JADE1: variants seen among roughly 807,000 people sequenced by gnomAD.
JADE1 encodes the protein protein Jade-1.
Under a neutral mutation model 81.8 loss-of-function variants are expected in JADE1, and 14 were observed. The observed-to-expected ratio is 0.17, with a 90% CI of 0.11 to 0.27. The LOEUF (loss-of-function observed/expected upper bound fraction) is 0.27. JADE1 is among the 10% of genes least tolerant of loss of function. The probability of loss-of-function intolerance (pLI) is 1.00; values close to 1 mark genes in which losing one functional copy is unlikely to be tolerated. For synonymous variants in JADE1, 353 were observed against 391.9 expected, an observed-to-expected ratio of 0.90 and a Z score of 1.17; for missense variants, 690 against 1,047.9, an observed-to-expected ratio of 0.66 and a Z score of 4.71.
At position 128,871,241 on chromosome 4, in the gene JADE1, GTGT is replaced by G. The variant is rs1488388320; in HGVS notation, c.1622-108_1622-106del. 4.0e-6 allele frequency: 4 copies of G among 1,000,822 alleles called. 1 individual carries two copies. Among genetic ancestry groups the G allele is most frequent in the Non-Finnish European group, 5.9e-6 (4 of 675,198 alleles). The allele number at this position is 1,000,822 out of a possible 1,614,324, so 62.0% of individuals were successfully genotyped here. On this transcript the variant is annotated intron_variant, in intron 10 of 10. Coordinates refer to ENST00000226319, the MANE Select transcript of JADE1 (RefSeq NM_199320.4). The surrounding 1 kb of genome is among the most constrained non-coding windows in gnomAD (Gnocchi z 4.1). Reference sequence around the variant, plus strand: ...GTACAAACTTGGTGGTGTAAGTGTTGTGTTGTTGGGTGGGGAGTTCACATCAAT... The same window carrying G: ...GTACAAACTTGGTGGTGTAAGTGTTGTGTTGGGTGGGGAGTTCACATCAAT...
chr4:128,871,423 C>T lies in JADE1; in HGVS notation c.1690C>T (p.Pro564Ser). ...MLLFNSPSVG[P>S]DAPKIEDLKW... ...TTTGTTTAACAGTCCTTCTGTTGGC[C>T]CTGATGCTCCCAAGATAGAGGACTT... Residue 564 changes from proline (P) to serine (S), a missense_variant, in exon 11 of 11, where the codon CCT becomes TCT. Around this residue, in one of 8 missense-constraint regions of JADE1, gnomAD observed 86 missense variants for 95.4 expected, o/e 0.90. Coordinates refer to ENST00000226319, the MANE Select transcript of JADE1 (RefSeq NM_199320.4). This position sits in a 1 kb window ranked among gnomAD's most constrained non-coding sequence, Gnocchi z 4.1. 2 of 1,614,196 alleles carry T rather than the reference C, an allele frequency of 1.2e-6. No individual in the cohort carries two copies. Among genetic ancestry groups the T allele is most frequent in the Non-Finnish European group, 1.7e-6 (2 of 1,180,016 alleles).
chr4:128,834,722 G>T (rs1325063326), intron 2 of JADE1, among the ~76,000 whole-genome samples: 4 of 151,774 alleles, frequency 2.6e-5, no homozygotes, highest in Admixed American at 2.6e-4. Context: ...TTTTAGTAGA[G>T]ACAGGGTTTC....
At chr4:128,857,021 A>G (rs1730853031) in intron 7 of JADE1, among the ~76,000 whole-genome samples, 1 of 152,202 alleles carries the variant, frequency 6.6e-6, no homozygotes, top group South Asian at 2.1e-4. Context: ...CCAATTTGTT[A>G]TGAGCTAGAG....
chr4:128,836,307 TA>T (rs1324715807), intron 2 of JADE1, among the ~76,000 whole-genome samples: 2 of 152,130 alleles, frequency 1.3e-5, no homozygotes, highest in African/African-American at 4.8e-5. Context: ...TAAATCAACA[TA>T]TTTTATATGT....
At position 128,874,206 on chromosome 4, in the gene JADE1, CAGG is replaced by C. The variant is rs1372280538; in HGVS notation, c.*1947_*1949del. 1 of 152,476 alleles carries C rather than the reference CAGG, an allele frequency of 6.6e-6. No individual in the cohort carries two copies. The highest frequency in any genetic ancestry group is 1.9e-4 in the East Asian group (1 of 5,186). 9.4% of individuals were successfully genotyped at this position (152,476 alleles called of 1,614,324 possible). A position where few individuals can be genotyped will look rare whatever the true frequency, so the allele number is the denominator to read the frequency against. On this transcript the variant is annotated 3_prime_UTR_variant, in exon 11 of 11. Coordinates refer to ENST00000226319, the MANE Select transcript of JADE1 (RefSeq NM_199320.4). Reference sequence around the variant, plus strand: ...ATGAGCAAAAACCTTTTGCTGGATACAGGAGAAGGTTGGACTTTATCTACAGTT... The same window carrying C: ...ATGAGCAAAAACCTTTTGCTGGATACAGAAGGTTGGACTTTATCTACAGTT...
In JADE1 at chr4:128,874,829, T is replaced by C. The variant is rs1474820406; in HGVS notation, c.*2567T>C. Reference sequence around the variant, plus strand: ...TCAAAATGTAGGCTAGTTAAACTTTTGTAAAGTTGCCTGGAATGTCATTTG... The same window carrying C: ...TCAAAATGTAGGCTAGTTAAACTTTCGTAAAGTTGCCTGGAATGTCATTTG... On this transcript the variant is annotated 3_prime_UTR_variant, in exon 11 of 11. Coordinates refer to ENST00000226319, the MANE Select transcript of JADE1 (RefSeq NM_199320.4). The C allele has an allele frequency of 6.6e-6, 1 of 152,666 alleles. No individual in the cohort carries two copies. Among genetic ancestry groups the C allele is most frequent in the Admixed American group, 6.5e-5 (1 of 15,290 alleles). 9.5% of individuals were successfully genotyped at this position (152,666 alleles called of 1,614,324 possible). A position where few individuals can be genotyped will look rare whatever the true frequency, so the allele number is the denominator to read the frequency against.
intron 9 of JADE1, among the ~76,000 whole-genome samples, chr4:128,865,756 T>C (rs989449834): frequency 3.3e-5 from 5 of 152,262 alleles, no homozygotes; most frequent in Non-Finnish European, 7.3e-5. Context: ...GGGATTTTTC[T>C]ATTTAGCAGC....
chr4:128,831,176 G>A (rs1239901545), intron 1 of JADE1, among the ~76,000 whole-genome samples: 1 of 152,166 alleles, frequency 6.6e-6, no homozygotes, highest in Non-Finnish European at 1.5e-5. Context: ...TCCCTCTGTG[G>A]GGTTAGAGAT....
intron 10 of JADE1, among the ~76,000 whole-genome samples, chr4:128,870,892 A>G (rs1286936019): frequency 6.6e-6 from 1 of 152,206 alleles, no homozygotes; most frequent in Non-Finnish European, 1.5e-5. Flanking sequence ...GGGTACAGAC[A>G]CATAGAGAAA....
At chr4:128,823,607 C>G (rs984146307) in intron 1 of JADE1, among the ~76,000 whole-genome samples, 1 of 152,020 alleles carries the variant, frequency 6.6e-6, no homozygotes, top group African/African-American at 2.4e-5. Context: ...CCAGCATTTT[C>G]CTTAAATAAG....
chr4:128,831,820 G>A lies in JADE1; in HGVS notation c.52+10G>A, dbSNP rs764547699. On this transcript the variant is annotated intron_variant, in intron 2 of 10. Coordinates refer to ENST00000226319, the MANE Select transcript of JADE1 (RefSeq NM_199320.4). ...TCTGACGACAATGGCAGTAAGTCCT[G>A]CTTTGTTGTTCTTGGAGCCTACCAG... 6.2e-7 allele frequency: 1 copy of A among 1,612,868 alleles called. No homozygotes were observed. The highest frequency in any genetic ancestry group is 8.5e-7 in the Non-Finnish European group (1 of 1,178,970).
At chr4:128,868,171 G>A (rs899975146) in intron 10 of JADE1, among the ~76,000 whole-genome samples, 198 bp downstream of exon 10, 2 of 152,166 alleles carry the variant, frequency 1.3e-5, no homozygotes, top group African/African-American at 4.8e-5. Flanking sequence ...TATAAATATG[G>A]GTGGAATCCT....
intron 6 of JADE1, 150 bp from the exon 7 acceptor site, chr4:128,855,480 A>G (rs1730714728): frequency 1.3e-6 from 1 of 768,312 alleles, no homozygotes; most frequent in Non-Finnish European, 2.0e-6. Context: ...CCGAGGGGAG[A>G]CGGTCGTAGC....
At position 128,855,771 on chromosome 4, in the gene JADE1, G is replaced by A. The variant is rs758068684; in HGVS notation, c.838G>A (p.Val280Ile). ...PTRSGTKWVH[V>I]SCALWIPEVS... ...CCGTAGCGGAACCAAGTGGGTCCAC[G>A]TTAGCTGTGCTCTGTGGATCCCTGA... The change falls in exon 7 of 11, where the codon GTT becomes ATT. Residue 280 changes from valine (V) to isoleucine (I), a missense_variant. Coordinates refer to ENST00000226319, the MANE Select transcript of JADE1 (RefSeq NM_199320.4). The A allele has an allele frequency of 6.2e-6, 10 of 1,613,236 alleles. No homozygotes were observed. The highest frequency in any genetic ancestry group is 7.6e-6 in the Non-Finnish European group (9 of 1,179,496).
chr4:128,862,117 C>T lies in JADE1; in HGVS notation c.1395C>T (p.Pro465=), dbSNP rs1031171232. The T allele has an allele frequency of 1.2e-6, 2 of 1,614,120 alleles. No individual in the cohort carries two copies. The change falls in exon 9 of 11, where the codon CCC becomes CCT. Residue 465 remains proline, a synonymous_variant. Coordinates refer to ENST00000226319, the MANE Select transcript of JADE1 (RefSeq NM_199320.4). ...KLKRKVNFNK[P]LITPKKDEED... The stretch of plus-strand genomic sequence containing the variant: ...AGAGGAAGGTCAACTTCAACAAGCC[C>T]CTGATCACCCCAAAGAAAGATGAAG...
chr4:128,818,416 C>T (rs761066304), intron 1 of JADE1, among the ~76,000 whole-genome samples: 4 of 152,112 alleles, frequency 2.6e-5, no homozygotes, highest in South Asian at 2.1e-4. Context: ...CCACCATGGC[C>T]GGCCATAGTT....
intron 2 of JADE1, among the ~76,000 whole-genome samples, chr4:128,838,247 C>T (rs142670054): frequency 5.1e-4 from 77 of 152,268 alleles, no homozygotes; most frequent in African/African-American, 1.8e-3. Context: ...TTTTTCCCCA[C>T]TCAGTCTTTC....
At chr4:128,834,608 C>T (rs1475379967) in intron 2 of JADE1, among the ~76,000 whole-genome samples, 3 of 146,542 alleles carry the variant, frequency 2.0e-5, no homozygotes, top group Non-Finnish European at 3.0e-5. Flanking sequence ...GATCTCGGCT[C>T]ACTGCAAGCT....
At chr4:128,810,048 T>A (rs1181143743) in intron 1 of JADE1, 171 bp downstream of exon 1, 1 of 154,034 alleles carries the variant, frequency 6.5e-6, no homozygotes, top group Non-Finnish European at 1.4e-5. Flanking sequence ...ATGGTTTTGT[T>A]GCTTTGCTCG....
Sources: gnomAD v4.1 joint callset for allele counts (sites outside exome capture counted in the v4.1 genomes callset) on GRCh38, gnomAD v4.1.1 for gene constraint, gnomAD v4.1.1 regional missense constraint, Gnocchi (gnomAD v3.1) non-coding constraint, MANE v1.5 for transcripts, NCBI Gene and HGNC (gene_info 2026-07-23, HGNC 2026-07-21) for gene names.